The following ZNF480 variants were observed in gnomAD, a reference collection of about 807,000 sequenced individuals.
ZNF480 encodes zinc finger protein 480.
A neutral mutation model predicts 14.4 loss-of-function variants in ZNF480; 15 were observed. That is an observed-to-expected ratio of 1.04 (90% CI 0.70 to 1.60). The LOEUF is 1.60. ZNF480 is among the 40% of genes most tolerant of loss of function. The pLI is 0.00. For missense variants in ZNF480, 593 were observed against 629.7 expected (o/e 0.94, Z 0.62); for synonymous variants, 218 against 215.5 (o/e 1.01, Z -0.10).
chr19:52,315,825 T>G lies in ZNF480; in HGVS notation c.200-9T>G, dbSNP rs78434406. ...TACAGCACATTTTGATTTTTTTTTT[T>G]ACAAACAGGAATCTCTCTTCCTGAC... On this transcript the variant is annotated splice_polypyrimidine_tract_variant and intron_variant, in intron 3 of 4. Transcript: ENST00000595962. 1.9e-6 allele frequency: 3 copies of G among 1,600,552 alleles called. No homozygotes were observed. The highest frequency in any genetic ancestry group is 1.7e-6 in the Non-Finnish European group (2 of 1,173,858).
rs1197045368 is a variant in ZNF480 at position 52,300,412 on chromosome 19, C to G, written c.-1C>G. ...CATTTAGGATTGACTTCTAAAGAGT[C>G]ATGCTGTGTGATGAAAAAGCCCAGA... On this transcript the variant is annotated 5_prime_UTR_variant, in exon 2 of 5. Coordinates refer to ENST00000595962, the MANE Select transcript of ZNF480 (RefSeq NM_144684.4). 1 of 1,548,058 alleles carries G rather than the reference C, an allele frequency of 6.5e-7. No individual in the cohort carries two copies. Among genetic ancestry groups the G allele is most frequent in the African/African-American group, 1.5e-5 (1 of 67,818 alleles).
At chr19:52,305,331 A>T (rs1257873393) in intron 2 of ZNF480, among the ~76,000 whole-genome samples, 1 of 152,076 alleles carries the variant, frequency 6.6e-6, no homozygotes, top group East Asian at 1.9e-4. Context: ...TTTTTCCTTA[A>T]TAGTTATTTC....
At chr19:52,314,316 C>T (rs1341485001) in intron 3 of ZNF480, 37 bp downstream of exon 3, 1 of 1,464,294 alleles carries the variant, frequency 6.8e-7, no homozygotes, top group Non-Finnish European at 9.1e-7. Context: ...GGGATCTGCC[C>T]TTGGTTATTT....
Position 52,322,372 on chromosome 19 carries a change from T to C in ZNF480, c.1122T>C (p.Asn374=), listed in dbSNP as rs142969990. ...IHTGEKPYKC[N]ECGKVFIQNS... ...CTGGAGAGAAACCTTACAAATGTAA[T>C]GAATGTGGAAAGGTCTTTATTCAAA... Residue 374 remains asparagine, a synonymous_variant, in exon 5 of 5, where the codon AAT becomes AAC. Transcript: ENST00000595962. 6.2e-7 allele frequency: 1 copy of C among 1,613,948 alleles called. No individual in the cohort carries two copies. Among genetic ancestry groups the C allele is most frequent in the East Asian group, 2.2e-5 (1 of 44,866 alleles).
chr19:52,305,925 C>T (rs1328840211), intron 2 of ZNF480, among the ~76,000 whole-genome samples: 2 of 152,156 alleles, frequency 1.3e-5, no homozygotes. Context: ...TCAGGGTCAG[C>T]AGATTTCTTT....
At chr19:52,307,853 G>A (rs552518729) in intron 2 of ZNF480, among the ~76,000 whole-genome samples, 20 of 152,312 alleles carry the variant, frequency 1.3e-4, no homozygotes, top group Middle Eastern at 3.4e-3. Flanking sequence ...GGCAGGCCAG[G>A]TGTTCCTTGC....
At chr19:52,316,856 A>G (rs1409285268) in intron 4 of ZNF480, among the ~76,000 whole-genome samples, 1 of 152,130 alleles carries the variant, frequency 6.6e-6, no homozygotes, top group Non-Finnish European at 1.5e-5. Context: ...AGGTTCATCT[A>G]TTTTGTAGCA....
At chr19:52,313,910 C>T (rs546001554) in intron 2 of ZNF480, 9 of 381,220 alleles carry the variant, frequency 2.4e-5, no homozygotes, top group African/African-American at 8.4e-5. Flanking sequence ...ACCCAGGAGG[C>T]GGAGGTTGCA....
chr19:52,300,868 C>T (rs2122512715), intron 2 of ZNF480: 1 of 238,122 alleles, frequency 4.2e-6, no homozygotes, highest in Non-Finnish European at 8.3e-6. Flanking sequence ...AGTAGAGAAA[C>T]AGTCTTTGGC....
intron 4 of ZNF480, among the ~76,000 whole-genome samples, chr19:52,316,242 T>C (rs1983553318): frequency 6.6e-6 from 1 of 151,836 alleles, no homozygotes; most frequent in Non-Finnish European, 1.5e-5. Flanking sequence ...CTTTCCTTTA[T>C]TTGAGATGGA....
Position 52,322,614 on chromosome 19 carries a change from A to G in ZNF480, c.1364A>G (p.Tyr455Cys). The G allele has an allele frequency of 6.2e-7, 1 of 1,614,158 alleles. No homozygotes were observed. The highest frequency in any genetic ancestry group is 8.5e-7 in the Non-Finnish European group (1 of 1,180,012). Reference sequence around the variant, plus strand: ...GTAATCCACACTGGAGAGAAGCCTTACAAATGTAGTGAATGTGGCAAGGCA... The same window carrying G: ...GTAATCCACACTGGAGAGAAGCCTTGCAAATGTAGTGAATGTGGCAAGGCA... ...HLVIHTGEKP[Y>C]KCSECGKAFR... The change falls in exon 5 of 5, where the codon TAC becomes TGC. Residue 455 changes from tyrosine (Y) to cysteine (C), a missense_variant. Physicochemically the swap from Tyr to Cys is radical, Grantham distance 194 (BLOSUM62 -2). Transcript: ENST00000595962.
intron 3 of ZNF480, 65 bp from the exon 4 acceptor site, chr19:52,315,769 C>T: frequency 1.9e-6 from 3 of 1,546,156 alleles, no homozygotes; most frequent in Non-Finnish European, 1.8e-6. Context: ...CTGTCTCCTT[C>T]CTACACATAG....
Position 52,315,981 on chromosome 19 carries a change from A to C in ZNF480, c.328+19A>C, listed in dbSNP as rs1490371839. On this transcript the variant is annotated intron_variant, in intron 4 of 4. Transcript: ENST00000595962. ...AACACAGGTAAGAGCTCAGATGGGC[A>C]TGGTGGAAGCCATGCTGTTGTTTGG... 22 of 1,580,046 alleles carry C rather than the reference A, an allele frequency of 1.4e-5. No individual in the cohort carries two copies. Among genetic ancestry groups the C allele is most frequent in the African/African-American group, 2.7e-5 (2 of 73,832 alleles).
chr19:52,300,742 C>A, intron 2 of ZNF480: 2 of 557,550 alleles, frequency 3.6e-6, no homozygotes, highest in East Asian at 2.9e-5. Context: ...CTGAGAGCTG[C>A]GAACAGGGTT....
chr19:52,319,321 T>G (rs2122557998), intron 4 of ZNF480, among the ~76,000 whole-genome samples: 1 of 152,300 alleles, frequency 6.6e-6, no homozygotes, highest in South Asian at 2.1e-4. Context: ...TCGAGGAAAA[T>G]CTAAATTTCT....
chr19:52,297,293 G>A, intron 1 of ZNF480, 70 bp downstream of exon 1: 1 of 434,926 alleles, frequency 2.3e-6, no homozygotes, highest in Non-Finnish European at 4.6e-6. Context: ...CGGGATCTGA[G>A]GGGCCACACA....
Position 52,322,399 on chromosome 19 carries a change from T to C in ZNF480, c.1149T>C (p.Asn383=). The C allele has an allele frequency of 6.2e-7, 1 of 1,613,924 alleles. No homozygotes were observed. Among genetic ancestry groups the C allele is most frequent in the Non-Finnish European group, 8.5e-7 (1 of 1,179,992 alleles). ...CNECGKVFIQ[N]SHLAQHWRIH... is the part of the protein sequence containing the mutation. The stretch of plus-strand genomic sequence containing the variant: ...AATGTGGAAAGGTCTTTATTCAAAA[T>C]TCGCACCTAGCACAACATTGGAGAA... The change falls in exon 5 of 5, where the codon AAT becomes AAC. Residue 383 remains asparagine, a synonymous_variant. Coordinates refer to ENST00000595962, the MANE Select transcript of ZNF480 (RefSeq NM_144684.4).
rs1983249274 is a variant in ZNF480, at chr19:52,310,962, G to GTACT, written c.73-3191_73-3190insTACT. 2.2e-5 allele frequency among the ~76,000 whole-genome samples: 3 copies of GTACT among 136,382 alleles called. No individual in the cohort carries two copies. The South Asian group carries it at 6.9e-4, about 31-fold the overall frequency. 89.5% of individuals were successfully genotyped at this position (136,382 alleles called of 152,430 possible). A position where few individuals can be genotyped will look rare whatever the true frequency, so the allele number is the denominator to read the frequency against. On this transcript the variant is annotated intron_variant, in intron 2 of 4. Transcript: ENST00000595962. ...AGAGCTTACAGTGAGCCAAGATCAC[G>GTACT]CCACTGGACTCCAGCCTGGGTGACA...
At chr19:52,319,810 T>TG (rs1220927557) in intron 4 of ZNF480, among the ~76,000 whole-genome samples, 4 of 99,630 alleles carry the variant, frequency 4.0e-5, no homozygotes, top group Admixed American at 9.4e-5. Context: ...GCTGATACTG[T>TG]GTTTTTTTTT....
Sources: gnomAD v4.1 joint callset for allele counts (sites outside exome capture counted in the v4.1 genomes callset) on GRCh38, gnomAD v4.1.1 for gene constraint, MANE v1.5 for transcripts, NCBI Gene and HGNC (gene_info 2026-07-23, HGNC 2026-07-21) for gene names.